The following IGDCC3 variants were observed in gnomAD, a reference collection of about 807,000 sequenced individuals.
The protein encoded by IGDCC3 is immunoglobulin superfamily DCC subclass member 3.
In IGDCC3, 47 loss-of-function variants were observed where a neutral mutation model predicts 72.0. The observed-to-expected ratio is 0.65, with a 90% CI of 0.52 to 0.83. The LOEUF (loss-of-function observed/expected upper bound fraction) is 0.83. IGDCC3 is among the 40% of genes least tolerant of loss of function. The pLI is 0.00. For synonymous variants in IGDCC3, 477 were observed against 472.8 expected (o/e 1.01, Z -0.11); for missense variants, 1,038 against 1,091.3 (o/e 0.95, Z 0.69).
rs139534147 is a variant in IGDCC3 at position 65,372,867 on chromosome 15, G to A, written c.409+2230C>T. On this transcript the variant is annotated intron_variant, in intron 2 of 13. Coordinates refer to ENST00000327987, the MANE Select transcript of IGDCC3 (RefSeq NM_004884.4). ...CATCAGCCTGTGAAGTGAGAAAAGCGGATCCAGCCGCACCGTTGCTTGGCA... is the reference window on the plus strand; with the variant it reads ...CATCAGCCTGTGAAGTGAGAAAAGCAGATCCAGCCGCACCGTTGCTTGGCA... 5.1e-3 allele frequency among the ~76,000 whole-genome samples: 773 copies of A among 152,280 alleles called. 11 individuals are homozygous for A. Among genetic ancestry groups the A allele is most frequent in the African/African-American group, 0.017 (709 of 41,554 alleles).
At chr15:65,370,519 T>C (rs200387338) in intron 2 of IGDCC3, among the ~76,000 whole-genome samples, 1 of 30,104 alleles carries the variant, frequency 3.3e-5, no homozygotes, top group African/African-American at 5.3e-5. Context: ...AAAAAAAATA[T>C]ATATATATAT....
intron 4 of IGDCC3, 53 bp from the exon 5 acceptor site, chr15:65,334,918 CT>C: frequency 6.4e-7 from 1 of 1,564,386 alleles, no homozygotes. Context: ...TTCCCGCTTC[CT>C]CACCCCACCC....
intron 2 of IGDCC3, among the ~76,000 whole-genome samples, chr15:65,351,496 T>G (rs1595758986): frequency 6.8e-6 from 1 of 147,154 alleles, no homozygotes; most frequent in Non-Finnish European, 1.5e-5. Context: ...ATTGCACCAC[T>G]GCATTCCAGC....
Position 65,329,852 on chromosome 15 carries a change from G to A in IGDCC3, c.1871C>T (p.Pro624Leu), listed in dbSNP as rs933714312. ...GGCCTCCTCCTTCCGGCAGTCACATGGTGGGCTCAAGGCTGGGGACAGGGA... is the reference window on the plus strand; with the variant it reads ...GGCCTCCTCCTTCCGGCAGTCACATAGTGGGCTCAAGGCTGGGGACAGGGA... ...GASERTALSP[P>L]CDCRKEEAAN... Residue 624 changes from proline (P) to leucine (L), a missense_variant, in exon 12 of 14, where the codon CCA becomes CTA. Pro to Leu is a moderately conservative substitution (Grantham distance 98). Coordinates refer to ENST00000327987, the MANE Select transcript of IGDCC3 (RefSeq NM_004884.4). The surrounding 1 kb of genome is among the most constrained non-coding windows in gnomAD (Gnocchi z 4.1). 6.2e-7 allele frequency: 1 copy of A among 1,614,028 alleles called. No homozygotes were observed.
At chr15:65,359,336 G>T (rs2091246194) in intron 2 of IGDCC3, among the ~76,000 whole-genome samples, 3 of 152,174 alleles carry the variant, frequency 2.0e-5, no homozygotes, top group African/African-American at 7.2e-5. Flanking sequence ...TCTGTGCAGG[G>T]ATAGGCCTTC....
At chr15:65,342,485 G>A (rs1292367002) in intron 2 of IGDCC3, among the ~76,000 whole-genome samples, 1 of 152,108 alleles carries the variant, frequency 6.6e-6, no homozygotes. Context: ...AGTGGTTACT[G>A]ACTACACTAT....
rs2090956653 is a variant in IGDCC3, at chr15:65,329,518, C to G, written c.2077G>C (p.Ala693Pro). The change falls in exon 13 of 14, where the codon GCC (alanine) becomes CCC (proline). Residue 693 changes from alanine to proline, a missense_variant. Physicochemically the swap from Ala to Pro is conservative, Grantham distance 27. Transcript: ENST00000327987. This position sits in a 1 kb window ranked among gnomAD's most constrained non-coding sequence, Gnocchi z 4.1. ...TGTCCCCGTCTCGCCCCATTTAGGG[C>G]TAGAATGCCAGGGTCCCTCTGGCTC... ...PRSQRDPGIL[A>P]LNGARRGQRG... 1.2e-6 allele frequency: 2 copies of G among 1,606,380 alleles called. No individual in the cohort carries two copies. The highest frequency in any genetic ancestry group is 2.2e-5 in the South Asian group (2 of 90,022).
chr15:65,357,501 C>A lies in IGDCC3; in HGVS notation c.409+17596G>T, dbSNP rs564459623. Among the ~76,000 whole-genome samples, 8 of 152,276 alleles carry A rather than the reference C, an allele frequency of 5.3e-5. No homozygotes were observed. The South Asian group carries it at 1.5e-3, about 28-fold the overall frequency. ...TAGACTGCCCATAGCCAAACCCTTGCATAGAAGTATCCATCTATCCATCCA... is the reference window on the plus strand; with the variant it reads ...TAGACTGCCCATAGCCAAACCCTTGAATAGAAGTATCCATCTATCCATCCA... On this transcript the variant is annotated intron_variant, in intron 2 of 13. Coordinates refer to ENST00000327987, the MANE Select transcript of IGDCC3 (RefSeq NM_004884.4).
chr15:65,340,720 CTTTTTCTTTCT>C (rs552465800), intron 2 of IGDCC3, among the ~76,000 whole-genome samples: 141 of 152,252 alleles, frequency 9.3e-4, no homozygotes, highest in Middle Eastern at 3.4e-3. Context: ...ACCACATTTT[CTTTTTCTTTCT>C]TTTTTCTTTT....
In IGDCC3 at chr15:65,334,827, C is replaced by G. The variant is rs1336835131; in HGVS notation, c.724G>C (p.Val242Leu). The G allele has an allele frequency of 6.2e-7, 1 of 1,613,160 alleles. No individual in the cohort carries two copies. Among genetic ancestry groups the G allele is most frequent in the South Asian group, 1.1e-5 (1 of 90,908 alleles). ...GTCAGGGTGAGGTTCTCAGGCCCCA[C>G]GAGGATGGCTGGCTCCTTGTAGGCC... ...SGAYKEPAIL[V>L]GPENLTLTVH... Residue 242 changes from valine to leucine, a missense_variant, in exon 5 of 14, where the codon GTG becomes CTG. Coordinates refer to ENST00000327987, the MANE Select transcript of IGDCC3 (RefSeq NM_004884.4).
chr15:65,331,249 G>T, intron 8 of IGDCC3, 35 bp from the exon 9 acceptor site: 2 of 1,607,306 alleles, frequency 1.2e-6, no homozygotes. Context: ...GGAGTGTGAA[G>T]GACTGGGGGA....
intron 2 of IGDCC3, 147 bp downstream of exon 2, chr15:65,374,950 C>A (rs921634233): frequency 2.7e-5 from 17 of 634,338 alleles, no homozygotes; most frequent in Admixed American, 5.8e-5. Context: ...GAATCACTGC[C>A]AGGCACCTCA....
At chr15:65,354,976 A>G (rs1022047491) in intron 2 of IGDCC3, among the ~76,000 whole-genome samples, 5 of 152,168 alleles carry the variant, frequency 3.3e-5, no homozygotes, top group Non-Finnish European at 7.4e-5. Flanking sequence ...CGGTGTGTCT[A>G]CTAAAGCTCT....
At chr15:65,332,238 G>T in intron 6 of IGDCC3, 132 bp from the exon 7 acceptor site, 1 of 1,091,496 alleles carries the variant, frequency 9.2e-7, no homozygotes, top group Non-Finnish European at 1.3e-6. Flanking sequence ...TCTGCCCCCT[G>T]GAGACTCCTC....
At chr15:65,365,787 C>T (rs1274954006) in intron 2 of IGDCC3, among the ~76,000 whole-genome samples, 1 of 152,184 alleles carries the variant, frequency 6.6e-6, no homozygotes, top group Non-Finnish European at 1.5e-5. Flanking sequence ...AAGAAAGAGG[C>T]AGGCCGGGCA....
chr15:65,349,996 C>T (rs1489892769), intron 2 of IGDCC3, among the ~76,000 whole-genome samples: 1 of 152,118 alleles, frequency 6.6e-6, no homozygotes, highest in African/African-American at 2.4e-5. Context: ...ATTCTCTTCT[C>T]TGTGGACTGT....
chr15:65,329,413 C>G lies in IGDCC3; in HGVS notation c.2182G>C (p.Gly728Arg), dbSNP rs750139297. Residue 728 changes from glycine to arginine, a missense_variant, in exon 13 of 14, where the codon GGG (glycine) becomes CGG (arginine). Gly to Arg is a moderately radical substitution (Grantham distance 125). Coordinates refer to ENST00000327987, the MANE Select transcript of IGDCC3 (RefSeq NM_004884.4). The surrounding 1 kb of genome is among the most constrained non-coding windows in gnomAD (Gnocchi z 4.1). ...EQLFPPASAA[G>R]QPDPRPTQDP... Reference sequence around the variant, plus strand: ...ACTGTGGGTCTGGGGTCCGGCTGCCCTGCTGCGCTGGCCGGGGGGAACAGC... The same window carrying G: ...ACTGTGGGTCTGGGGTCCGGCTGCCGTGCTGCGCTGGCCGGGGGGAACAGC... 6.3e-7 allele frequency: 1 copy of G among 1,595,546 alleles called. No homozygotes were observed. The highest frequency in any genetic ancestry group is 8.5e-7 in the Non-Finnish European group (1 of 1,173,872).
Position 65,341,314 on chromosome 15 carries a change from TATG to T in IGDCC3, c.410-5361_410-5359del, listed in dbSNP as rs544148208. ...ACGGTGCCGCTGCTGTGGAACACGG[TATG>T]ATAACTCCTCAAAAAATTAAAAATA... is the stretch of plus-strand genomic sequence containing the variant. On this transcript the variant is annotated intron_variant, in intron 2 of 13. Transcript: ENST00000327987. 3.6e-3 allele frequency among the ~76,000 whole-genome samples: 552 copies of T among 152,326 alleles called. 4 individuals are homozygous for T. Among genetic ancestry groups the T allele is most frequent in the African/African-American group, 0.013 (528 of 41,564 alleles).
At position 65,328,856 on chromosome 15, in the gene IGDCC3, G is replaced by T; in HGVS notation, c.*53C>A. 1 of 1,487,608 alleles carries T rather than the reference G, an allele frequency of 6.7e-7. No individual in the cohort carries two copies. The highest frequency in any genetic ancestry group is 1.4e-5 in the South Asian group (1 of 71,642). The allele number at this position is 1,487,608 out of a possible 1,614,324, so 92.2% of individuals were successfully genotyped here. A position where few individuals can be genotyped will look rare whatever the true frequency, so the allele number is the denominator to read the frequency against. ...ACATGACAGTAGAAATCTTGCTTTTGACCTGAGAATGGGCCCCGCTCCGTC... is the reference window on the plus strand; with the variant it reads ...ACATGACAGTAGAAATCTTGCTTTTTACCTGAGAATGGGCCCCGCTCCGTC... On this transcript the variant is annotated 3_prime_UTR_variant, in exon 14 of 14. Coordinates refer to ENST00000327987, the MANE Select transcript of IGDCC3 (RefSeq NM_004884.4).
Sources: gnomAD v4.1 joint callset for allele counts (sites outside exome capture counted in the v4.1 genomes callset) on GRCh38, gnomAD v4.1.1 for gene constraint, Gnocchi (gnomAD v3.1) non-coding constraint, MANE v1.5 for transcripts, NCBI Gene and HGNC (gene_info 2026-07-23, HGNC 2026-07-21) for gene names.